Variants in RAPGEF4 observed in about 807,000 individuals in gnomAD.
RAPGEF4 encodes Rap guanine nucleotide exchange factor 4, also known as RAP guanine-nucleotide-exchange factor (GEF) 4.
A neutral mutation model predicts 147.9 loss-of-function variants in RAPGEF4; 66 were observed. That is an observed-to-expected ratio of 0.45 (90% CI 0.37 to 0.55). The LOEUF (loss-of-function observed/expected upper bound fraction) is 0.55, where lower values mean the gene tolerates loss of function less well. Among genes scored for constraint, RAPGEF4 ranks in the 20% least tolerant of loss-of-function variants. The probability of loss-of-function intolerance (pLI) is 0.00; values close to 1 mark genes in which losing one functional copy is unlikely to be tolerated. For synonymous variants in RAPGEF4, 419 were observed against 442.7 expected (o/e 0.95, Z 0.67); for missense variants, 1,071 against 1,257.3 (o/e 0.85, Z 2.24).
chr2:172,929,226 A>T (rs953026304), intron 6 of RAPGEF4, among the ~76,000 whole-genome samples: 3 of 152,234 alleles, frequency 2.0e-5, no homozygotes, highest in African/African-American at 7.2e-5. Flanking sequence ...CTCAGATTGG[A>T]TAAACTAATC....
chr2:172,825,596 CATTTATTTACCA>C (rs1474009933), intron 4 of RAPGEF4, among the ~76,000 whole-genome samples: 1 of 152,158 alleles, frequency 6.6e-6, no homozygotes, highest in Non-Finnish European at 1.5e-5. Context: ...AATACATTGG[CATTTATTTACCA>C]ATTTATGTGA....
chr2:172,736,170 C>T lies in RAPGEF4; in HGVS notation c.65+122C>T, dbSNP rs746615890. The T allele has an allele frequency of 2.2e-3, 1,469 of 682,992 alleles. 11 individuals carry two copies. Among genetic ancestry groups the T allele is most frequent in the Middle Eastern group, 9.6e-3 (19 of 1,974 alleles). The allele number at this position is 682,992 out of a possible 1,614,324, so 42.3% of individuals were successfully genotyped here. On this transcript the variant is annotated intron_variant, in intron 1 of 30. Coordinates refer to ENST00000397081, the MANE Select transcript of RAPGEF4 (RefSeq NM_007023.4). The stretch of plus-strand genomic sequence containing the variant: ...GCTGCGGGTGGCCGGGGTCCCCGAG[C>T]GGGGGAAGGGGTTGAGGTCCTCGTC...
At chr2:172,917,345 A>T in intron 4 of RAPGEF4, 1 of 426,692 alleles carries the variant, frequency 2.3e-6, no homozygotes, top group Non-Finnish European at 4.6e-6. Context: ...CTTTCAAAAA[A>T]GACATTTTTC....
At chr2:172,962,592 C>T (rs1689408468) in intron 8 of RAPGEF4, among the ~76,000 whole-genome samples, 1 of 151,874 alleles carries the variant, frequency 6.6e-6, no homozygotes, top group African/African-American at 2.4e-5. Context: ...ATACTCCATG[C>T]AAACTAATAC....
chr2:172,991,308 G>A (rs916591990), intron 15 of RAPGEF4, among the ~76,000 whole-genome samples: 1 of 152,326 alleles, frequency 6.6e-6, no homozygotes, highest in East Asian at 1.9e-4. Flanking sequence ...TTCGTATGCA[G>A]GATTTCGCGT....
chr2:172,908,858 G>T (rs1228230854), intron 4 of RAPGEF4, among the ~76,000 whole-genome samples: 1 of 152,052 alleles, frequency 6.6e-6, no homozygotes, highest in Non-Finnish European at 1.5e-5. Flanking sequence ...GAGCTTGAGG[G>T]ACTTGTCTGC....
intron 1 of RAPGEF4, among the ~76,000 whole-genome samples, chr2:172,768,945 C>T (rs1476123611): frequency 6.6e-6 from 1 of 152,188 alleles, no homozygotes; most frequent in Non-Finnish European, 1.5e-5. Flanking sequence ...GAACTGAATA[C>T]CATCATGAGA....
chr2:172,774,854 A>G (rs911596070), intron 1 of RAPGEF4, among the ~76,000 whole-genome samples: 2 of 152,208 alleles, frequency 1.3e-5, no homozygotes, highest in East Asian at 3.9e-4. Flanking sequence ...TACATGCTAG[A>G]CATGTACCAG....
At chr2:172,883,081 C>A (rs1380851513) in intron 4 of RAPGEF4, among the ~76,000 whole-genome samples, 1 of 150,046 alleles carries the variant, frequency 6.7e-6, no homozygotes, top group African/African-American at 2.4e-5. Context: ...CAGTTTAAAG[C>A]AACGTGTTTA....
chr2:172,840,509 A>G (rs139278193), intron 4 of RAPGEF4, among the ~76,000 whole-genome samples: 4 of 152,218 alleles, frequency 2.6e-5, no homozygotes, highest in Non-Finnish European at 4.4e-5. Flanking sequence ...TGATACTTTT[A>G]CTGTCTACTT....
chr2:172,959,581 C>A (rs1371953531), intron 6 of RAPGEF4, among the ~76,000 whole-genome samples: 2 of 152,124 alleles, frequency 1.3e-5, no homozygotes, highest in Non-Finnish European at 1.5e-5. Flanking sequence ...AATCTCCCAT[C>A]TTTTCTTACC....
At chr2:172,808,171 C>A (rs1193011199) in intron 3 of RAPGEF4, among the ~76,000 whole-genome samples, 1 of 152,138 alleles carries the variant, frequency 6.6e-6, no homozygotes, top group African/African-American at 2.4e-5. Flanking sequence ...TTCTTAACAC[C>A]ATTCCCATTT....
intron 4 of RAPGEF4, among the ~76,000 whole-genome samples, chr2:172,842,141 C>T (rs1358266516): frequency 2.0e-5 from 3 of 152,092 alleles, no homozygotes; most frequent in African/African-American, 7.2e-5. Flanking sequence ...GAAGACACAG[C>T]ATGGTCTTTT....
intron 6 of RAPGEF4, 66 bp downstream of exon 6, chr2:172,922,366 C>A (rs1256885767): frequency 4.2e-6 from 6 of 1,439,374 alleles, no homozygotes; most frequent in African/African-American, 1.4e-5. Context: ...ATCATGGTAA[C>A]CCTACCAACA....
intron 1 of RAPGEF4, among the ~76,000 whole-genome samples, chr2:172,752,858 T>C (rs1407360395): frequency 6.6e-6 from 1 of 152,262 alleles, no homozygotes; most frequent in African/African-American, 2.4e-5. Context: ...TATCAGCTTG[T>C]GAATGAACCT....
At chr2:172,916,848 G>A (rs905111860) in intron 4 of RAPGEF4, among the ~76,000 whole-genome samples, 12 of 152,132 alleles carry the variant, frequency 7.9e-5, no homozygotes, top group Non-Finnish European at 2.9e-5. Flanking sequence ...TTCTGCTGAC[G>A]TTTGTGCAAC....
intron 18 of RAPGEF4, among the ~76,000 whole-genome samples, chr2:173,014,888 T>C (rs193129003): frequency 9.2e-5 from 14 of 152,340 alleles, no homozygotes; most frequent in African/African-American, 3.4e-4. Context: ...GCACCCATCA[T>C]TCTGCAGGCT....
Position 172,967,463 on chromosome 2 carries a change from C to T in RAPGEF4, c.1004+19C>T, listed in dbSNP as rs1689968247. The T allele has an allele frequency of 6.2e-7, 1 of 1,603,592 alleles. No individual in the cohort carries two copies. Among genetic ancestry groups the T allele is most frequent in the Non-Finnish European group, 8.5e-7 (1 of 1,175,392 alleles). Reference sequence around the variant, plus strand: ...GCAAACCGTGAGTGAGAGCTCGTGGCTCACCCCTCCAGGTCCCAAGGCCGC... The same window carrying T: ...GCAAACCGTGAGTGAGAGCTCGTGGTTCACCCCTCCAGGTCCCAAGGCCGC... On this transcript the variant is annotated intron_variant, in intron 10 of 30. Coordinates refer to ENST00000397081, the MANE Select transcript of RAPGEF4 (RefSeq NM_007023.4).
chr2:172,937,781 G>A (rs375027119), intron 6 of RAPGEF4, among the ~76,000 whole-genome samples: 5 of 106,584 alleles, frequency 4.7e-5, no homozygotes, highest in African/African-American at 1.2e-4. Context: ...CCTTTCCCAT[G>A]TTGATTGGTT....
Sources: allele counts gnomAD v4.1 joint callset (sites outside exome capture counted in the v4.1 genomes callset), GRCh38; gene constraint gnomAD v4.1.1; transcripts MANE v1.5; gene names NCBI Gene and HGNC (gene_info 2026-07-23, HGNC 2026-07-21).